The following CDC42BPA variants were observed in gnomAD, a reference collection of about 807,000 sequenced individuals.
CDC42BPA encodes CDC42 binding protein kinase alpha.
In CDC42BPA, 80 loss-of-function variants were observed where a neutral mutation model predicts 223.5. The ratio of observed to expected loss-of-function variants is 0.36; its 90% confidence interval spans 0.30 to 0.43. CDC42BPA has a LOEUF of 0.43. CDC42BPA is among the 20% of genes least tolerant of loss of function. CDC42BPA has a pLI of 1.00. For missense variants in CDC42BPA, 1,743 were observed against 2,099.9 expected, an observed-to-expected ratio of 0.83 and a Z score of 3.32; for synonymous variants, 694 against 718.6, an observed-to-expected ratio of 0.97 and a Z score of 0.55.
At chr1:227,225,930 A>T (rs956979282) in intron 2 of CDC42BPA, among the ~76,000 whole-genome samples, 11 of 152,180 alleles carry the variant, frequency 7.2e-5, no homozygotes, top group Admixed American at 6.5e-5. Flanking sequence ...TTTTCTGTAA[A>T]ATTTATCCTG....
intron 2 of CDC42BPA, among the ~76,000 whole-genome samples, chr1:227,220,817 C>T (rs1192064864): frequency 6.6e-6 from 1 of 152,108 alleles, no homozygotes; most frequent in East Asian, 1.9e-4. Context: ...ATCCCCCTTT[C>T]TCCTGGATAT....
chr1:227,191,153 G>A (rs1669634646), intron 5 of CDC42BPA, among the ~76,000 whole-genome samples: 4 of 152,044 alleles, frequency 2.6e-5, no homozygotes, highest in South Asian at 2.1e-4. Context: ...AGACCAACCC[G>A]ACCAACATGG....
intron 6 of CDC42BPA, among the ~76,000 whole-genome samples, chr1:227,147,933 G>A (rs930421179): frequency 9.9e-5 from 15 of 151,494 alleles, no homozygotes; most frequent in African/African-American, 3.4e-4. Context: ...ATTGTACAAT[G>A]AGATGGGGGG....
chr1:227,257,078 G>C (rs1461009477), intron 1 of CDC42BPA, among the ~76,000 whole-genome samples: 1 of 151,852 alleles, frequency 6.6e-6, no homozygotes, highest in East Asian at 1.9e-4. Flanking sequence ...AGTAAAGTAA[G>C]ACAGGCATTA....
chr1:227,314,166 T>TAA, intron 1 of CDC42BPA, among the ~76,000 whole-genome samples: 1 of 152,266 alleles, frequency 6.6e-6, no homozygotes, highest in African/African-American at 2.4e-5. Flanking sequence ...AACTCCACTG[T>TAA]AATTTATTCT....
At chr1:227,264,007 C>T (rs890611370) in intron 1 of CDC42BPA, among the ~76,000 whole-genome samples, 2 of 152,166 alleles carry the variant, frequency 1.3e-5, no homozygotes, top group African/African-American at 2.4e-5. Flanking sequence ...TCCACAGATG[C>T]AATAACTTCT....
intron 32 of CDC42BPA, among the ~76,000 whole-genome samples, chr1:227,018,570 G>GTC (rs1666754328): frequency 6.6e-6 from 1 of 152,014 alleles, no homozygotes; most frequent in Non-Finnish European, 1.5e-5. Flanking sequence ...ACACATAGTG[G>GTC]GTATGAACAC....
chr1:227,135,915 T>A, intron 10 of CDC42BPA, among the ~76,000 whole-genome samples: 1 of 144,544 alleles, frequency 6.9e-6, no homozygotes, highest in African/African-American at 2.5e-5. Flanking sequence ...AATTTAGTCT[T>A]GTCCAAGCTC....
At chr1:227,221,125 G>T (rs977902974) in intron 2 of CDC42BPA, among the ~76,000 whole-genome samples, 1 of 152,052 alleles carries the variant, frequency 6.6e-6, no homozygotes, top group Non-Finnish European at 1.5e-5. Flanking sequence ...CAAATAAATT[G>T]TTCTCAATTC....
intron 32 of CDC42BPA, among the ~76,000 whole-genome samples, chr1:227,022,693 T>C (rs1450649116): frequency 6.6e-6 from 1 of 152,188 alleles, no homozygotes; most frequent in African/African-American, 2.4e-5. Flanking sequence ...ATGTGTGGTA[T>C]GTAATGACAT....
chr1:227,132,033 A>G (rs188692197), intron 10 of CDC42BPA, among the ~76,000 whole-genome samples: 14 of 144,924 alleles, frequency 9.7e-5, no homozygotes, highest in South Asian at 6.3e-4. Flanking sequence ...AGAATGTTCA[A>G]TATCTCAGAG....
At chr1:227,155,651 T>C (rs1354531963) in intron 6 of CDC42BPA, among the ~76,000 whole-genome samples, 1 of 152,110 alleles carries the variant, frequency 6.6e-6, no homozygotes, top group Non-Finnish European at 1.5e-5. Context: ...GGTGGAGAGT[T>C]TGAGGATAAA....
At chr1:227,209,011 T>C (rs967166275) in intron 3 of CDC42BPA, among the ~76,000 whole-genome samples, 2 of 151,796 alleles carry the variant, frequency 1.3e-5, no homozygotes, top group African/African-American at 4.8e-5. Flanking sequence ...TTCCATTTGT[T>C]TGTATACTCT....
chr1:227,103,852 T>C (rs1685452768), intron 14 of CDC42BPA, among the ~76,000 whole-genome samples: 1 of 151,598 alleles, frequency 6.6e-6, no homozygotes, highest in Non-Finnish European at 1.5e-5. Flanking sequence ...CCAACAAACA[T>C]CCAAAAGAAA....
intron 1 of CDC42BPA, among the ~76,000 whole-genome samples, chr1:227,302,806 TTCTA>T (rs1184732065): frequency 3.3e-5 from 5 of 152,248 alleles, no homozygotes; most frequent in African/African-American, 9.6e-5. Flanking sequence ...ATCTCCTCTT[TTCTA>T]TCTCTCTGTG....
chr1:227,230,762 G>C (rs1417522567), intron 2 of CDC42BPA, among the ~76,000 whole-genome samples: 1 of 148,908 alleles, frequency 6.7e-6, no homozygotes, highest in Non-Finnish European at 1.5e-5. Context: ...AATACTTAAA[G>C]ATTTATCTCT....
At chr1:227,297,732 T>C (rs916128192) in intron 1 of CDC42BPA, among the ~76,000 whole-genome samples, 11 of 151,864 alleles carry the variant, frequency 7.2e-5, no homozygotes, top group Admixed American at 2.0e-4. Context: ...CTACAATATG[T>C]AGAAATTCAG....
chr1:227,231,766 G>T (rs975876145), intron 2 of CDC42BPA, among the ~76,000 whole-genome samples: 4 of 152,012 alleles, frequency 2.6e-5, no homozygotes, highest in African/African-American at 9.7e-5. Context: ...GTGTCTGTTG[G>T]CTGCATAAAT....
chr1:227,283,127 T>C lies in CDC42BPA; in HGVS notation c.179-28972A>G, dbSNP rs986529329. ...ATTAAAGATTTCTATTATTCTATTT[T>C]AGTGGCAGAACATCACTACTCTAAG... On this transcript the variant is annotated intron_variant, in intron 1 of 36. Coordinates refer to ENST00000366766, the MANE Select transcript of CDC42BPA (RefSeq NM_001394014.1). Among the ~76,000 whole-genome samples, 11 of 152,164 alleles carry C rather than the reference T, an allele frequency of 7.2e-5. No individual in the cohort carries two copies. The South Asian group carries it at 1.5e-3, about 20-fold the overall frequency.
Sources: allele counts gnomAD v4.1 joint callset (sites outside exome capture counted in the v4.1 genomes callset), GRCh38; gene constraint gnomAD v4.1.1; transcripts MANE v1.5; gene names NCBI Gene and HGNC (gene_info 2026-07-23, HGNC 2026-07-21).